SAMD5: variants seen among roughly 807,000 people sequenced by gnomAD.
SAMD5 encodes the protein sterile alpha motif domain containing 5.
SAMD5 carries 13 observed loss-of-function variants against 11.3 expected under a neutral mutation model. The ratio of observed to expected loss-of-function variants is 1.15; its 90% CI spans 0.75 to 1.83. SAMD5 has a LOEUF of 1.83. Ranked by LOEUF, SAMD5 falls within the 40% of genes most tolerant of loss-of-function variation. The pLI is 0.00. For missense variants in SAMD5, 255 were observed against 239.1 expected, an observed-to-expected ratio of 1.07 and a Z score of -0.44; for synonymous variants, 129 against 111.3, an observed-to-expected ratio of 1.16 and a Z score of -1.00.
At chr6:147,608,969 T>A (rs931327788) in intron 1 of SAMD5, among the ~76,000 whole-genome samples, 6 of 152,088 alleles carry the variant, frequency 3.9e-5, no homozygotes, top group Admixed American at 3.9e-4. Context: ...AAAAATAAAA[T>A]TAAAAAATTA....
chr6:147,923,009 G>A, the SAMD5 span, among the ~76,000 whole-genome samples: 1 of 151,702 alleles, frequency 6.6e-6, no homozygotes, highest in Non-Finnish European at 1.5e-5. Context: ...CCACTGCCGC[G>A]AATAACATTT....
At chr6:147,851,804 T>C in the SAMD5 span, among the ~76,000 whole-genome samples, 2 of 152,298 alleles carry the variant, frequency 1.3e-5, no homozygotes, top group South Asian at 4.1e-4. Context: ...TGGGAGCAGA[T>C]GGCCATCCCA....
At chr6:147,906,520 G>A in the SAMD5 span, among the ~76,000 whole-genome samples, 1 of 152,180 alleles carries the variant, frequency 6.6e-6, no homozygotes, top group Admixed American at 6.5e-5. Context: ...AATCCATCTG[G>A]TGACGGCCAT....
chr6:147,539,119 CA>C (rs1788559956), intron 1 of SAMD5, among the ~76,000 whole-genome samples: 1 of 152,128 alleles, frequency 6.6e-6, no homozygotes, highest in Non-Finnish European at 1.5e-5. Flanking sequence ...CAGCTGAAGG[CA>C]AAGACAGATC....
chr6:147,800,874 A>T, the SAMD5 span, among the ~76,000 whole-genome samples: 3 of 152,208 alleles, frequency 2.0e-5, no homozygotes, highest in Admixed American at 1.3e-4. Context: ...ATAAAATGAA[A>T]CTATTCTAAC....
chr6:147,583,450 T>C (rs1789326405), intron 1 of SAMD5, among the ~76,000 whole-genome samples: 1 of 152,234 alleles, frequency 6.6e-6, no homozygotes, highest in Admixed American at 6.5e-5. Flanking sequence ...GAAACCCTCT[T>C]TGTTTTTTCT....
chr6:147,940,478 G>A, the SAMD5 span, among the ~76,000 whole-genome samples: 2 of 152,142 alleles, frequency 1.3e-5, no homozygotes, highest in South Asian at 4.1e-4. Flanking sequence ...GAAAAGGTGG[G>A]CTGCATTGCA....
chr6:147,908,236 G>T, the SAMD5 span, among the ~76,000 whole-genome samples: 1 of 152,160 alleles, frequency 6.6e-6, no homozygotes, highest in African/African-American at 2.4e-5. Context: ...CTATTTAGCA[G>T]CTACTTGTTT....
chr6:147,761,764 A>G, the SAMD5 span, among the ~76,000 whole-genome samples: 11 of 152,236 alleles, frequency 7.2e-5, no homozygotes, highest in African/African-American at 2.6e-4. Flanking sequence ...CCCAGGCTGG[A>G]GTGCAGTGGC....
rs1269228367 is a variant in SAMD5, at chr6:147,537,801, A to G, written c.460-26593A>G. ...ACCTTTTCTCTGATAGAGGAGACTC[A>G]GCTTTCCAAACAGGACCCAATAGAG... On this transcript the variant is annotated intron_variant, in intron 1 of 1. Coordinates refer to ENST00000367474, the MANE Select transcript of SAMD5 (RefSeq NM_001030060.3). 2.0e-5 allele frequency among the ~76,000 whole-genome samples: 3 copies of G among 151,780 alleles called. No homozygotes were observed. In the South Asian group the frequency reaches 6.3e-4, roughly 32 times the overall value.
chr6:147,923,645 G>C, the SAMD5 span, among the ~76,000 whole-genome samples: 2 of 152,226 alleles, frequency 1.3e-5, no homozygotes, highest in Admixed American at 6.5e-5. Context: ...TGGATGTAGA[G>C]CTAATTACTA....
At chr6:147,866,190 C>T in the SAMD5 span, among the ~76,000 whole-genome samples, 1 of 152,030 alleles carries the variant, frequency 6.6e-6, no homozygotes, top group Non-Finnish European at 1.5e-5. Flanking sequence ...ACCAGACATA[C>T]ACATAGACAC....
At chr6:147,905,806 T>C in the SAMD5 span, among the ~76,000 whole-genome samples, 33 of 152,316 alleles carry the variant, frequency 2.2e-4, no homozygotes, top group East Asian at 6.4e-3. Flanking sequence ...TTCTTATAAA[T>C]TTCCAGTATG....
chr6:147,768,511 C>T, the SAMD5 span, among the ~76,000 whole-genome samples: 1 of 151,632 alleles, frequency 6.6e-6, no homozygotes, highest in African/African-American at 2.4e-5. Context: ...CAAAACAAAA[C>T]AACAACAACA....
the SAMD5 span, among the ~76,000 whole-genome samples, chr6:147,788,032 G>A: frequency 6.6e-6 from 1 of 152,166 alleles, no homozygotes; most frequent in Admixed American, 6.5e-5. Flanking sequence ...ACAGTAATTT[G>A]AAAAAGTCTG....
chr6:147,666,426 T>G (rs1355270592), intron 1 of SAMD5, among the ~76,000 whole-genome samples: 3 of 152,182 alleles, frequency 2.0e-5, no homozygotes, highest in Admixed American at 2.0e-4. Flanking sequence ...GTGAGAACAG[T>G]GTGCGTCCTC....
At chr6:147,865,962 A>G in the SAMD5 span, among the ~76,000 whole-genome samples, 1 of 152,184 alleles carries the variant, frequency 6.6e-6, no homozygotes, top group African/African-American at 2.4e-5. Flanking sequence ...AGCTTTTCCA[A>G]CTGGCTTCTA....
intron 1 of SAMD5, among the ~76,000 whole-genome samples, chr6:147,623,534 A>C (rs1008104228): frequency 2.0e-5 from 3 of 152,190 alleles, no homozygotes; most frequent in Non-Finnish European, 4.4e-5. Context: ...AGACTGAGTA[A>C]TCTGATATTA....
chr6:147,797,226 T>C, the SAMD5 span, among the ~76,000 whole-genome samples: 1 of 141,966 alleles, frequency 7.0e-6, no homozygotes, highest in South Asian at 2.3e-4. Flanking sequence ...GCTCTTATTA[T>C]TTTGAAATAC....
Sources: gnomAD v4.1 joint callset for allele counts (sites outside exome capture counted in the v4.1 genomes callset) on GRCh38, gnomAD v4.1.1 for gene constraint, MANE v1.5 for transcripts, NCBI Gene and HGNC (gene_info 2026-07-23, HGNC 2026-07-21) for gene names.